The following RBFOX1 variants were observed in gnomAD, a reference collection of about 807,000 sequenced individuals.
RBFOX1 encodes the protein RNA binding protein fox-1 homolog 1.
In RBFOX1, 8 loss-of-function variants were observed where a neutral mutation model predicts 57.7. The observed-to-expected ratio is 0.14, with a 90% CI of 0.08 to 0.25. RBFOX1 has a LOEUF of 0.25. Among genes scored for constraint, RBFOX1 ranks in the 10% least tolerant of loss-of-function variants. RBFOX1 has a pLI of 1.00. For synonymous variants in RBFOX1, 326 were observed against 222.4 expected (o/e 1.47, Z -4.15); for missense variants, 611 against 548.5 (o/e 1.11, Z -1.14).
intron 14 of RBFOX1, among the ~76,000 whole-genome samples, chr16:7,682,213 G>A (rs1009144117): frequency 2.0e-5 from 3 of 152,070 alleles, no homozygotes; most frequent in African/African-American, 4.8e-5. Flanking sequence ...GTAAACATTG[G>A]CAACTTTATG....
chr16:5,389,411 C>T lies in RBFOX1; in HGVS notation c.220-77805C>T, dbSNP rs143969032. ...GCCTCATACGATGTTGAGCAGCAAC[C>T]CTGGCCTCCAACCACTTGATGCAAA... is the stretch of plus-strand genomic sequence containing the variant. On this transcript the variant is annotated intron_variant, in intron 1 of 2. Transcript: ENST00000585867. Among the ~76,000 whole-genome samples the T allele has an allele frequency of 1.8e-3, 281 of 152,134 alleles. 3 individuals carry two copies. Among genetic ancestry groups the T allele is most frequent in the African/African-American group, 6.3e-3 (263 of 41,504 alleles).
chr16:6,118,243 C>T (rs1018288968), intron 1 of RBFOX1, among the ~76,000 whole-genome samples: 2 of 152,176 alleles, frequency 1.3e-5, no homozygotes, highest in African/African-American at 2.4e-5. Flanking sequence ...TTCCAGGATC[C>T]AATCCATTAT....
intron 1 of RBFOX1, among the ~76,000 whole-genome samples, chr16:6,305,379 A>C (rs1334680954): frequency 6.6e-6 from 1 of 152,188 alleles, no homozygotes; most frequent in Non-Finnish European, 1.5e-5. Context: ...ATCAGAGTGC[A>C]TGACACAGAG....
intron 2 of RBFOX1, among the ~76,000 whole-genome samples, chr16:6,602,221 T>A (rs1224408718): frequency 6.6e-6 from 1 of 152,224 alleles, no homozygotes; most frequent in East Asian, 1.9e-4. Flanking sequence ...TCGGTATTCA[T>A]TCCTGATAAG....
chr16:6,976,674 CAT>C (rs1341863613), intron 3 of RBFOX1, among the ~76,000 whole-genome samples: 2 of 148,790 alleles, frequency 1.3e-5, no homozygotes, highest in South Asian at 2.1e-4. Flanking sequence ...ATATATATAT[CAT>C]ATATATCATA....
At chr16:7,352,223 C>T (rs949619860) in intron 4 of RBFOX1, among the ~76,000 whole-genome samples, 1 of 152,130 alleles carries the variant, frequency 6.6e-6, no homozygotes, top group East Asian at 1.9e-4. Flanking sequence ...ATTTTTCAGC[C>T]TTTCCCAAGA....
At chr16:5,892,078 A>G (rs761161695) in intron 4 of RBFOX1, among the ~76,000 whole-genome samples, 2 of 152,190 alleles carry the variant, frequency 1.3e-5, no homozygotes, top group African/African-American at 4.8e-5. Context: ...AGTGAGCACA[A>G]TAGTGTTCTG....
intron 4 of RBFOX1, among the ~76,000 whole-genome samples, chr16:7,305,861 A>G (rs1230822189): frequency 1.3e-5 from 2 of 152,210 alleles, no homozygotes; most frequent in African/African-American, 2.4e-5. Context: ...ATTTCCCAAG[A>G]GAGTATTGAT....
chr16:5,585,227 G>A (rs538708651), intron 2 of RBFOX1, among the ~76,000 whole-genome samples: 15 of 152,136 alleles, frequency 9.9e-5, no homozygotes, highest in African/African-American at 2.4e-4. Context: ...ACAGGATTGC[G>A]TTTTCTGGAT....
intron 3 of RBFOX1, among the ~76,000 whole-genome samples, chr16:6,720,006 A>G (rs987229953): frequency 1.8e-4 from 27 of 151,950 alleles, no homozygotes; most frequent in African/African-American, 6.0e-4. Context: ...AGGCAGGAGA[A>G]TCGCTTGAAC....
intron 4 of RBFOX1, among the ~76,000 whole-genome samples, chr16:7,144,386 A>G (rs2074467366): frequency 7.1e-6 from 1 of 140,178 alleles, no homozygotes; most frequent in Admixed American, 7.1e-5. Context: ...CCAGGTTAAA[A>G]CTTCTTCTTT....
At chr16:6,726,434 A>G (rs1008550647) in intron 3 of RBFOX1, among the ~76,000 whole-genome samples, 1 of 151,292 alleles carries the variant, frequency 6.6e-6, no homozygotes, top group African/African-American at 2.4e-5. Context: ...AGATAAAATC[A>G]CGACTTGTCT....
chr16:6,102,902 T>C (rs1305609636), intron 1 of RBFOX1, among the ~76,000 whole-genome samples: 1 of 152,144 alleles, frequency 6.6e-6, no homozygotes, highest in Non-Finnish European at 1.5e-5. Flanking sequence ...GGGTTTTTTT[T>C]AGAAGAAAGT....
intron 3 of RBFOX1, among the ~76,000 whole-genome samples, chr16:5,728,986 C>A (rs546574949): frequency 1.3e-5 from 2 of 152,342 alleles, no homozygotes; most frequent in South Asian, 4.1e-4. Flanking sequence ...GCCCTGGCTC[C>A]TGTCAAATGT....
chr16:5,832,771 C>T (rs2056324508), intron 3 of RBFOX1, among the ~76,000 whole-genome samples: 1 of 152,136 alleles, frequency 6.6e-6, no homozygotes, highest in East Asian at 1.9e-4. Context: ...CCAGAGTGAA[C>T]AGGAACCAAA....
intron 3 of RBFOX1, among the ~76,000 whole-genome samples, chr16:7,019,473 T>C (rs111655449): frequency 2.0e-5 from 3 of 152,238 alleles, no homozygotes; most frequent in African/African-American, 4.8e-5. Context: ...TTTGTACTTT[T>C]TGTTAAGTTG....
At chr16:6,899,854 A>G (rs1341339782) in intron 3 of RBFOX1, among the ~76,000 whole-genome samples, 2 of 152,220 alleles carry the variant, frequency 1.3e-5, no homozygotes, top group Non-Finnish European at 1.5e-5. Context: ...TTAGTAAATA[A>G]TAGTAGGGCC....
chr16:7,077,907 T>C (rs1304256621), intron 4 of RBFOX1, among the ~76,000 whole-genome samples: 4 of 152,212 alleles, frequency 2.6e-5, no homozygotes, highest in Non-Finnish European at 5.9e-5. Flanking sequence ...TGTGCTTTTA[T>C]TGAGGAGCCA....
chr16:5,322,513 G>T (rs1167861835), intron 1 of RBFOX1, among the ~76,000 whole-genome samples: 2 of 152,174 alleles, frequency 1.3e-5, no homozygotes, highest in African/African-American at 4.8e-5. Flanking sequence ...CTTTCTTGGG[G>T]ATCATCTTCT....
Sources: gnomAD v4.1 joint callset for allele counts (sites outside exome capture counted in the v4.1 genomes callset) on GRCh38, gnomAD v4.1.1 for gene constraint, MANE v1.5 for transcripts, NCBI Gene and HGNC (gene_info 2026-07-23, HGNC 2026-07-21) for gene names.